The following NALCN variants were observed in gnomAD, a reference collection of about 807,000 sequenced individuals.
NALCN encodes sodium leak channel NALCN.
Under a neutral mutation model 225.3 loss-of-function variants are expected in NALCN, and 111 were observed. That is an observed-to-expected ratio of 0.49 (90% CI 0.42 to 0.58). NALCN has a LOEUF of 0.58. Ranked by LOEUF, NALCN falls within the 20% of genes least tolerant of loss-of-function variation. NALCN has a pLI of 0.00. For synonymous variants in NALCN, 764 were observed against 769.0 expected, an observed-to-expected ratio of 0.99 and a Z score of 0.11; for missense variants, 1,378 against 2,202.4, an observed-to-expected ratio of 0.63 and a Z score of 7.49.
chr13:101,167,001 C>T (rs1367106359), intron 15 of NALCN, among the ~76,000 whole-genome samples: 1 of 152,092 alleles, frequency 6.6e-6, no homozygotes, highest in Non-Finnish European at 1.5e-5. Context: ...GTCTTGACAC[C>T]ACTGTTGAAG....
intron 30 of NALCN, among the ~76,000 whole-genome samples, chr13:101,084,815 T>C (rs2033851155): frequency 6.6e-6 from 1 of 152,194 alleles, no homozygotes; most frequent in South Asian, 2.1e-4. Flanking sequence ...CCATTGTTGA[T>C]CTCTAGGAGA....
intron 28 of NALCN, among the ~76,000 whole-genome samples, chr13:101,094,141 G>T (rs981376278): frequency 1.3e-5 from 2 of 152,186 alleles, no homozygotes; most frequent in Non-Finnish European, 2.9e-5. Flanking sequence ...ACCCTTTGGA[G>T]GGGGGTACCC....
intron 6 of NALCN, among the ~76,000 whole-genome samples, chr13:101,375,788 G>A (rs1043514365): frequency 6.6e-6 from 1 of 152,038 alleles, no homozygotes; most frequent in Non-Finnish European, 1.5e-5. Flanking sequence ...AATCCCTGCT[G>A]CCCTGAAATC....
At chr13:101,189,982 T>A (rs978496194) in intron 14 of NALCN, among the ~76,000 whole-genome samples, 15 of 152,130 alleles carry the variant, frequency 9.9e-5, no homozygotes, top group Non-Finnish European at 1.9e-4. Flanking sequence ...ATAAAGAAGA[T>A]TTAGATTGCC....
At chr13:101,187,016 C>G (rs1012114657) in intron 14 of NALCN, among the ~76,000 whole-genome samples, 1 of 152,112 alleles carries the variant, frequency 6.6e-6, no homozygotes, top group Non-Finnish European at 1.5e-5. Flanking sequence ...ATGCATGTAT[C>G]AAAACATCAC....
intron 9 of NALCN, among the ~76,000 whole-genome samples, chr13:101,286,657 T>G (rs2043348230): frequency 6.6e-6 from 1 of 152,210 alleles, no homozygotes; most frequent in African/African-American, 2.4e-5. Context: ...CAACTGAATG[T>G]AACTTAACTA....
intron 27 of NALCN, among the ~76,000 whole-genome samples, chr13:101,099,203 G>A (rs2034677416): frequency 1.3e-5 from 2 of 151,828 alleles, no homozygotes; most frequent in African/African-American, 2.4e-5. Context: ...AATGCGTCAG[G>A]TCTCTGTCAC....
At chr13:101,192,683 AAAAAAG>A (rs1173132089) in intron 13 of NALCN, among the ~76,000 whole-genome samples, 1 of 147,786 alleles carries the variant, frequency 6.8e-6, no homozygotes, top group African/African-American at 2.7e-5. Context: ...ACAAACAAAC[AAAAAAG>A]AAATAAAAAA....
At chr13:101,211,643 C>A (rs1223271497) in intron 13 of NALCN, among the ~76,000 whole-genome samples, 1 of 111,490 alleles carries the variant, frequency 9.0e-6, no homozygotes, top group Non-Finnish European at 1.8e-5. Context: ...GAGACAATGA[C>A]AATAAACTAT....
chr13:101,296,108 G>A (rs981167286), intron 7 of NALCN, among the ~76,000 whole-genome samples: 19 of 152,058 alleles, frequency 1.2e-4, no homozygotes, highest in Non-Finnish European at 2.4e-4. Context: ...CTAGGCAATG[G>A]CCCTTAGTAC....
chr13:101,206,365 C>T (rs1299143080), intron 13 of NALCN, among the ~76,000 whole-genome samples: 1 of 151,930 alleles, frequency 6.6e-6, no homozygotes, highest in East Asian at 1.9e-4. Flanking sequence ...TCTAATAGTG[C>T]TTATTTAGTA....
chr13:101,059,545 C>T (rs1328026555), intron 42 of NALCN, among the ~76,000 whole-genome samples: 2 of 152,084 alleles, frequency 1.3e-5, no homozygotes, highest in Non-Finnish European at 2.9e-5. Flanking sequence ...AATAAAACTA[C>T]AGAATTATGA....
At chr13:101,058,429 G>GTTT in intron 42 of NALCN, 9 of 156,836 alleles carry the variant, frequency 5.7e-5, no homozygotes, top group South Asian at 5.5e-4. Flanking sequence ...GGCGGGGGCA[G>GTTT]TCTACTGTCA....
intron 11 of NALCN, among the ~76,000 whole-genome samples, chr13:101,257,996 G>A (rs770386430): frequency 7.9e-5 from 12 of 151,974 alleles, no homozygotes; most frequent in Non-Finnish European, 8.8e-5. Flanking sequence ...TGTAACACCC[G>A]TTTCTAGAGG....
At chr13:101,396,932 A>G (rs916323410) in intron 2 of NALCN, among the ~76,000 whole-genome samples, 13 of 151,608 alleles carry the variant, frequency 8.6e-5, no homozygotes, top group African/African-American at 3.1e-4. Context: ...TTCATTCTCT[A>G]TTCCATTCAA....
intron 22 of NALCN, among the ~76,000 whole-genome samples, chr13:101,105,263 T>C (rs1156718885): frequency 2.0e-5 from 3 of 152,234 alleles, no homozygotes; most frequent in Non-Finnish European, 4.4e-5. Context: ...TTGACTTTCA[T>C]TTAAAAACAC....
Position 101,074,234 on chromosome 13 carries a change from A to G in NALCN, c.4103+280T>C, listed in dbSNP as rs633321. Among the ~76,000 whole-genome samples the G allele has an allele frequency of 0.4, 60,525 of 151,988 alleles. 14,126 individuals carry two copies. The highest frequency in any genetic ancestry group is 0.65 in the African/African-American group (26,772 of 41,424). On this transcript the variant is annotated intron_variant, in intron 36 of 43. Coordinates refer to ENST00000251127, the MANE Select transcript of NALCN (RefSeq NM_052867.4). Reference sequence around the variant, plus strand: ...TGTAGATAGAAAAAGTGCTGGAATTAGGAGTGATGATTACTGAATGTTGGT... The same window carrying G: ...TGTAGATAGAAAAAGTGCTGGAATTGGGAGTGATGATTACTGAATGTTGGT...
At chr13:101,338,515 T>C (rs567711716) in intron 7 of NALCN, among the ~76,000 whole-genome samples, 2 of 152,358 alleles carry the variant, frequency 1.3e-5, no homozygotes, top group South Asian at 4.1e-4. Flanking sequence ...GTACAATGAA[T>C]GAAGGGTTCA....
Position 101,254,530 on chromosome 13 carries a change from T to C in NALCN, c.1266+3913A>G, listed in dbSNP as rs2042160789. The stretch of plus-strand genomic sequence containing the variant: ...AAATCACCACTACCTAGTTTATTTA[T>C]TTATTTATTTTTCCAGGATTTCAAG... On this transcript the variant is annotated intron_variant, in intron 11 of 43. Coordinates refer to ENST00000251127, the MANE Select transcript of NALCN (RefSeq NM_052867.4). Among the ~76,000 whole-genome samples the C allele has an allele frequency of 2.0e-5, 3 of 152,090 alleles. No homozygotes were observed. In the South Asian group the frequency reaches 6.2e-4, roughly 32 times the overall value.
Sources: gnomAD v4.1 joint callset for allele counts (sites outside exome capture counted in the v4.1 genomes callset) on GRCh38, gnomAD v4.1.1 for gene constraint, MANE v1.5 for transcripts, NCBI Gene and HGNC (gene_info 2026-07-23, HGNC 2026-07-21) for gene names.